The following AGMO variants were observed in gnomAD, a reference collection of about 807,000 sequenced individuals.
AGMO encodes the protein glyceryl-ether monooxygenase.
AGMO carries 75 observed loss-of-function variants against 60.2 expected under a neutral mutation model. The observed-to-expected ratio is 1.25, with a 90% CI of 1.03 to 1.51. The LOEUF (loss-of-function observed/expected upper bound fraction) is 1.51, where lower values mean the gene tolerates loss of function less well. Among genes scored for constraint, AGMO ranks in the 40% most tolerant of loss-of-function variants. The pLI, the probability that AGMO is intolerant of heterozygous loss-of-function variation, is 0.00. For synonymous variants in AGMO, 261 were observed against 177.1 expected (o/e 1.47, Z -3.76); for missense variants, 763 against 525.5 (o/e 1.45, Z -4.42).
At chr7:15,344,553 C>T (rs1236042319) in intron 12 of AGMO, among the ~76,000 whole-genome samples, 1 of 151,954 alleles carries the variant, frequency 6.6e-6, no homozygotes, top group Non-Finnish European at 1.5e-5. Flanking sequence ...CAAAAATTAG[C>T]CAGGCATCCT....
chr7:15,517,494 A>T (rs1253907181), intron 3 of AGMO, among the ~76,000 whole-genome samples: 1 of 151,398 alleles, frequency 6.6e-6, no homozygotes. Context: ...CTGGTTAGAC[A>T]GTGGGTGCAG....
chr7:15,354,324 A>ATACACG (rs1782373341), intron 12 of AGMO, among the ~76,000 whole-genome samples: 2 of 75,518 alleles, frequency 2.6e-5, no homozygotes, highest in Admixed American at 1.2e-4. Flanking sequence ...GCGTGTATAT[A>ATACACG]CGTACGCGTG....
At chr7:15,262,745 T>C (rs1783311080) in intron 12 of AGMO, among the ~76,000 whole-genome samples, 1 of 152,006 alleles carries the variant, frequency 6.6e-6, no homozygotes, top group Non-Finnish European at 1.5e-5. Flanking sequence ...CATATATCAA[T>C]GGAACAAAAC....
the AGMO span, among the ~76,000 whole-genome samples, chr7:15,123,893 G>A: frequency 3.7e-3 from 557 of 152,168 alleles, 2 homozygotes; most frequent in Middle Eastern, 0.02. Context: ...TAAAGTGAGC[G>A]TACGCTTTGC....
At chr7:15,458,758 G>A (rs1782059365) in intron 3 of AGMO, among the ~76,000 whole-genome samples, 1 of 152,014 alleles carries the variant, frequency 6.6e-6, no homozygotes, top group South Asian at 2.1e-4. Flanking sequence ...GCATCAAAAG[G>A]GATTAGTGAA....
At chr7:15,305,806 A>T (rs756999439) in intron 12 of AGMO, among the ~76,000 whole-genome samples, 2 of 151,964 alleles carry the variant, frequency 1.3e-5, no homozygotes, top group African/African-American at 4.8e-5. Flanking sequence ...TGTGAACTGT[A>T]CTTGTTTTTC....
At chr7:15,129,482 C>A in the AGMO span, among the ~76,000 whole-genome samples, 1 of 152,200 alleles carries the variant, frequency 6.6e-6, no homozygotes, top group Admixed American at 6.5e-5. Context: ...AAAGGCAACT[C>A]ATTCTGACCA....
chr7:15,309,676 T>A (rs1184131604), intron 12 of AGMO, among the ~76,000 whole-genome samples: 1 of 151,816 alleles, frequency 6.6e-6, no homozygotes, highest in Non-Finnish European at 1.5e-5. Context: ...TTTGTGTATA[T>A]ATCCTCTCTA....
chr7:15,212,595 C>G (rs1169386455), intron 12 of AGMO, among the ~76,000 whole-genome samples: 1 of 151,912 alleles, frequency 6.6e-6, no homozygotes, highest in Non-Finnish European at 1.5e-5. Flanking sequence ...ATTACATTTT[C>G]TACTGACTTA....
chr7:15,159,660 A>C, the AGMO span, among the ~76,000 whole-genome samples: 5 of 152,234 alleles, frequency 3.3e-5, no homozygotes, highest in African/African-American at 4.8e-5. Context: ...CTGTCACAAT[A>C]TATAGAGGGA....
intron 12 of AGMO, among the ~76,000 whole-genome samples, chr7:15,353,729 ATAG>A (rs1192518067): frequency 6.6e-6 from 1 of 152,204 alleles, no homozygotes; most frequent in Non-Finnish European, 1.5e-5. Flanking sequence ...CAGTGAACAA[ATAG>A]TAGAAAATGA....
At chr7:15,525,707 G>T (rs1262224529) in intron 3 of AGMO, among the ~76,000 whole-genome samples, 5 of 152,146 alleles carry the variant, frequency 3.3e-5, no homozygotes, top group Non-Finnish European at 7.3e-5. Flanking sequence ...CCGGGTAAGG[G>T]TAGCCGCCCC....
chr7:15,176,799 T>G, the AGMO span, among the ~76,000 whole-genome samples: 4 of 151,942 alleles, frequency 2.6e-5, no homozygotes, highest in African/African-American at 4.8e-5. Flanking sequence ...AACTGAATAT[T>G]TGTAACATTT....
chr7:15,471,522 A>G (rs1310995568), intron 3 of AGMO, among the ~76,000 whole-genome samples: 1 of 151,954 alleles, frequency 6.6e-6, no homozygotes, highest in African/African-American at 2.4e-5. Context: ...GGCAGGGCAT[A>G]GAGGAGAATC....
the AGMO span, among the ~76,000 whole-genome samples, chr7:15,137,235 C>T: frequency 7.9e-5 from 12 of 152,144 alleles, no homozygotes; most frequent in Non-Finnish European, 1.5e-4. Context: ...TTTGCATATT[C>T]TTTTCATCAA....
At chr7:15,297,132 C>T (rs115879732) in intron 12 of AGMO, among the ~76,000 whole-genome samples, 6 of 151,932 alleles carry the variant, frequency 3.9e-5, no homozygotes, top group Non-Finnish European at 8.8e-5. Context: ...GCTGAACTGA[C>T]CTAAAGAGAA....
chr7:15,338,006 T>C (rs1563094930), intron 12 of AGMO, among the ~76,000 whole-genome samples: 1 of 152,176 alleles, frequency 6.6e-6, no homozygotes, highest in Admixed American at 6.6e-5. Context: ...CCAGGGAAGA[T>C]GTGACCAAAA....
chr7:15,175,433 A>G, the AGMO span, among the ~76,000 whole-genome samples: 2 of 151,990 alleles, frequency 1.3e-5, no homozygotes, highest in African/African-American at 4.8e-5. Context: ...AAATTCATGT[A>G]ATTAATTTAG....
At chr7:15,435,716 C>G (rs181934685) in intron 3 of AGMO, among the ~76,000 whole-genome samples, 5 of 151,738 alleles carry the variant, frequency 3.3e-5, no homozygotes, top group African/African-American at 7.3e-5. Flanking sequence ...TCATGAAATC[C>G]AGTTTATATT....
Sources: gnomAD v4.1 joint callset for allele counts (sites outside exome capture counted in the v4.1 genomes callset) on GRCh38, gnomAD v4.1.1 for gene constraint, MANE v1.5 for transcripts, NCBI Gene and HGNC (gene_info 2026-07-23, HGNC 2026-07-21) for gene names.